KIF26B: variants seen among roughly 807,000 people sequenced by gnomAD.
KIF26B encodes kinesin family member 26B, also known as kinesin-like protein KIF26B.
Under a neutral mutation model 151.2 loss-of-function variants are expected in KIF26B, and 63 were observed. The observed-to-expected ratio is 0.42, with a 90% confidence interval of 0.34 to 0.51. The LOEUF is 0.51. KIF26B is among the 20% of genes least tolerant of loss of function. KIF26B has a pLI of 0.07. For missense variants in KIF26B, 2,813 were observed against 2,913.6 expected (o/e 0.97, Z 0.79); for synonymous variants, 1,357 against 1,262.1 (o/e 1.08, Z -1.59).
At chr1:245,235,930 ATT>A (rs35318362) in intron 2 of KIF26B, among the ~76,000 whole-genome samples, 2,150 of 118,270 alleles carry the variant, frequency 0.018, 22 homozygotes, top group African/African-American at 0.031. Flanking sequence ...TGCATCACTT[ATT>A]TTTTTTTTTT....
chr1:245,662,688 CAATATATATATAAACCCAATGAT>C (rs1408774515), intron 10 of KIF26B, among the ~76,000 whole-genome samples: 7,545 of 79,486 alleles, frequency 0.095, 1,066 homozygotes, highest in African/African-American at 0.25. Flanking sequence ...CATATATATA[CAATATATATATAAACCCAATGAT>C]ACATATACAC....
chr1:245,406,946 C>G (rs189831573), intron 3 of KIF26B, among the ~76,000 whole-genome samples: 1 of 152,084 alleles, frequency 6.6e-6, no homozygotes, highest in East Asian at 1.9e-4. Flanking sequence ...CACCACCACG[C>G]CTGGCTAATT....
chr1:245,307,742 CTT>C (rs35577186), intron 2 of KIF26B, among the ~76,000 whole-genome samples: 22,291 of 132,696 alleles, frequency 0.17, 1,761 homozygotes, highest in East Asian at 0.42. Context: ...CTCTCTCTCT[CTT>C]TTTTTTTTTT....
At chr1:245,162,639 C>G (rs1668552327) in intron 2 of KIF26B, among the ~76,000 whole-genome samples, 1 of 152,168 alleles carries the variant, frequency 6.6e-6, no homozygotes, top group Non-Finnish European at 1.5e-5. Flanking sequence ...CCGCCTTGGC[C>G]TCCCAAAGTG....
intron 9 of KIF26B, among the ~76,000 whole-genome samples, chr1:245,636,117 CTG>C (rs2043831295): frequency 1.3e-5 from 2 of 152,068 alleles, no homozygotes; most frequent in African/African-American, 2.4e-5. Context: ...GTTGAATGTT[CTG>C]TGTCAAGTAG....
intron 5 of KIF26B, among the ~76,000 whole-genome samples, chr1:245,567,511 A>G (rs1237492006): frequency 1.3e-5 from 2 of 152,018 alleles, no homozygotes; most frequent in Admixed American, 1.3e-4. Flanking sequence ...GAGAGAAATG[A>G]CAGCTTGAAG....
rs369383141 is a variant in KIF26B, at chr1:245,613,228, C to A, written c.2098+1252C>A. Among the ~76,000 whole-genome samples the A allele has an allele frequency of 4.1e-4, 62 of 152,252 alleles. No individual in the cohort carries two copies. In the South Asian group the frequency reaches 0.011, roughly 26 times the overall value. On this transcript the variant is annotated intron_variant, in intron 9 of 14. Coordinates refer to ENST00000407071, the MANE Select transcript of KIF26B (RefSeq NM_018012.4). Reference sequence around the variant, plus strand: ...TCAGAAAACTGAGTTAAGAGTCTAACCCTGGACTGGAAATTGTAAAGCTCA... The same window carrying A: ...TCAGAAAACTGAGTTAAGAGTCTAAACCTGGACTGGAAATTGTAAAGCTCA...
intron 2 of KIF26B, among the ~76,000 whole-genome samples, chr1:245,240,698 A>G (rs1670199071): frequency 6.6e-6 from 1 of 152,206 alleles, no homozygotes; most frequent in African/African-American, 2.4e-5. Context: ...GGGAAGTTTT[A>G]GTGAGATATA....
chr1:245,277,012 G>A (rs74724206), intron 2 of KIF26B, among the ~76,000 whole-genome samples: 2,826 of 152,188 alleles, frequency 0.019, 87 homozygotes, highest in African/African-American at 0.064. Flanking sequence ...AGAGGAGAAG[G>A]CCATGCAAAG....
At chr1:245,245,641 CA>C (rs1322196448) in intron 2 of KIF26B, among the ~76,000 whole-genome samples, 3 of 151,704 alleles carry the variant, frequency 2.0e-5, no homozygotes, top group Admixed American at 2.0e-4. Context: ...AATACAACAA[CA>C]AAAAAAATTG....
intron 3 of KIF26B, among the ~76,000 whole-genome samples, chr1:245,374,015 A>T (rs1673187691): frequency 7.9e-6 from 1 of 126,522 alleles, no homozygotes; most frequent in Admixed American, 9.2e-5. Context: ...ATGTGATTGT[A>T]CCACTGCCTG....
At chr1:245,556,000 G>A (rs909737318) in intron 5 of KIF26B, among the ~76,000 whole-genome samples, 1 of 135,516 alleles carries the variant, frequency 7.4e-6, no homozygotes, top group African/African-American at 2.5e-5. Flanking sequence ...CAAGAATATC[G>A]GAGACTTCTC....
chr1:245,337,752 A>G (rs1672265116), intron 2 of KIF26B, among the ~76,000 whole-genome samples: 1 of 152,228 alleles, frequency 6.6e-6, no homozygotes, highest in African/African-American at 2.4e-5. Context: ...TAAGTCATTT[A>G]TCGAGCAACC....
At chr1:245,570,706 G>A (rs59377128) in intron 5 of KIF26B, among the ~76,000 whole-genome samples, 13,633 of 152,206 alleles carry the variant, frequency 0.09, 732 homozygotes, top group Middle Eastern at 0.16. Context: ...TTTGCTCTTC[G>A]ACTGTGGACC....
At chr1:245,490,002 A>G (rs1208949975) in intron 4 of KIF26B, among the ~76,000 whole-genome samples, 1 of 152,212 alleles carries the variant, frequency 6.6e-6, no homozygotes, top group African/African-American at 2.4e-5. Context: ...TAAATGACTG[A>G]GCTGTGTGTA....
At chr1:245,689,028 C>T (rs528006854) in intron 12 of KIF26B, among the ~76,000 whole-genome samples, 3 of 152,274 alleles carry the variant, frequency 2.0e-5, no homozygotes, top group East Asian at 1.9e-4. Context: ...CGGCACCCCG[C>T]GGGGCTCCGC....
At chr1:245,293,574 T>G (rs1253322679) in intron 2 of KIF26B, among the ~76,000 whole-genome samples, 1 of 116,654 alleles carries the variant, frequency 8.6e-6, no homozygotes, top group Non-Finnish European at 1.7e-5. Flanking sequence ...GATTTCTTTC[T>G]TTCCTTTTTT....
intron 10 of KIF26B, among the ~76,000 whole-genome samples, chr1:245,657,978 C>T (rs891324422): frequency 8.5e-5 from 13 of 152,148 alleles, no homozygotes; most frequent in African/African-American, 1.9e-4. Flanking sequence ...GTCTGCCTTC[C>T]GTCACCCTCC....
intron 12 of KIF26B, among the ~76,000 whole-genome samples, chr1:245,694,503 A>G (rs1487392202): frequency 1.3e-5 from 2 of 152,202 alleles, no homozygotes; most frequent in Non-Finnish European, 2.9e-5. Context: ...CAGAACACCC[A>G]TGTTTCCCAA....
Sources: allele counts gnomAD v4.1 joint callset (sites outside exome capture counted in the v4.1 genomes callset), GRCh38; gene constraint gnomAD v4.1.1; transcripts MANE v1.5; gene names NCBI Gene and HGNC (gene_info 2026-07-23, HGNC 2026-07-21).